Variants in XPO7 observed in about 807,000 individuals in gnomAD.
The protein encoded by XPO7 is exportin 7.
XPO7 carries 21 observed loss-of-function variants against 144.3 expected under a neutral mutation model. The ratio of observed to expected loss-of-function variants is 0.15; its 90% CI spans 0.10 to 0.21. XPO7 has a LOEUF of 0.21. Ranked by LOEUF, XPO7 falls within the 10% of genes least tolerant of loss-of-function variation. The pLI is 1.00. For synonymous variants in XPO7, 580 were observed against 499.6 expected (o/e 1.16, Z -2.15); for missense variants, 808 against 1,325.8 (o/e 0.61, Z 6.06).
intron 1 of XPO7, among the ~76,000 whole-genome samples, chr8:21,933,288 G>A (rs1810715633): frequency 6.6e-6 from 1 of 152,000 alleles, no homozygotes; most frequent in Non-Finnish European, 1.5e-5. Flanking sequence ...TTTTAGTAGA[G>A]ATGGGGTTTC....
intron 1 of XPO7, among the ~76,000 whole-genome samples, chr8:21,965,566 G>T (rs1585447662): frequency 6.6e-6 from 1 of 152,182 alleles, no homozygotes; most frequent in Admixed American, 6.5e-5. Flanking sequence ...CGTTTTAAGG[G>T]CAAGGTTGTT....
At chr8:21,957,917 T>C (rs894708690) in intron 1 of XPO7, among the ~76,000 whole-genome samples, 2 of 152,056 alleles carry the variant, frequency 1.3e-5, no homozygotes, top group African/African-American at 4.8e-5. Context: ...TGCAGTTTTG[T>C]GCTTTTTGTT....
chr8:21,962,796 ATTG>A (rs1182379208), intron 1 of XPO7, among the ~76,000 whole-genome samples: 3 of 152,234 alleles, frequency 2.0e-5, no homozygotes, highest in Non-Finnish European at 2.9e-5. Flanking sequence ...CCTAACAATA[ATTG>A]TTGTTACTGA....
chr8:21,965,531 A>G (rs1811854624), intron 1 of XPO7, among the ~76,000 whole-genome samples: 1 of 152,164 alleles, frequency 6.6e-6, no homozygotes, highest in African/African-American at 2.4e-5. Context: ...CAAAGTCCCA[A>G]GATGTTGTGA....
intron 17 of XPO7, 58 bp downstream of exon 17, chr8:21,990,465 G>C: frequency 6.3e-7 from 1 of 1,585,172 alleles, no homozygotes; most frequent in African/African-American, 1.3e-5. Flanking sequence ...ACACTTTCTC[G>C]ACACATAAAG....
intron 24 of XPO7, among the ~76,000 whole-genome samples, chr8:22,001,536 A>G (rs906106460): frequency 2.6e-5 from 4 of 152,162 alleles, no homozygotes; most frequent in African/African-American, 9.7e-5. Flanking sequence ...AACAGATAAT[A>G]CAGCATACCG....
chr8:21,989,821 CTTTTTTTTTTTTTTTTTTTTTTT>C lies in XPO7; in HGVS notation c.1869-499_1869-477del, dbSNP rs1170364778. On this transcript the variant is annotated intron_variant, in intron 16 of 27. Transcript: ENST00000252512. ...AATAGGAGTTTGGTATAGGTGTTTC[CTTTTTTTTTTTTTTTTTTTTTTT>C]TTTTTTTTTTTTTTTTTTTTTTTGA... Among the ~76,000 whole-genome samples the C allele has an allele frequency of 1.3e-3, 76 of 59,702 alleles. 2 individuals carry two copies. Among genetic ancestry groups the C allele is most frequent in the African/African-American group, 2.3e-3 (47 of 20,688 alleles). 39.2% of individuals were successfully genotyped at this position (59,702 alleles called of 152,430 possible).
At chr8:21,992,060 C>A in intron 19 of XPO7, 86 bp downstream of exon 19, 4 of 951,890 alleles carry the variant, frequency 4.2e-6, no homozygotes, top group South Asian at 1.7e-5. Flanking sequence ...GTAAACTATC[C>A]ACTGCCATAG....
chr8:21,971,787 A>G (rs1194962189), intron 4 of XPO7, 89 bp from the exon 5 acceptor site: 7 of 1,010,402 alleles, frequency 6.9e-6, no homozygotes, highest in Non-Finnish European at 1.0e-5. Context: ...ATGACACAGG[A>G]ACCCGTCATT....
intron 1 of XPO7, among the ~76,000 whole-genome samples, chr8:21,920,893 C>T (rs1177933005): frequency 6.6e-6 from 1 of 152,146 alleles, no homozygotes; most frequent in African/African-American, 2.4e-5. Context: ...TGATCTCATT[C>T]TTAATACGTC....
At chr8:21,990,536 C>G in intron 17 of XPO7, 129 bp downstream of exon 17, 8 of 1,047,126 alleles carry the variant, frequency 7.6e-6, no homozygotes, top group South Asian at 1.4e-5. Flanking sequence ...CTGATTCCCA[C>G]GATACTGCCA....
At chr8:21,938,482 C>G (rs559594309) in intron 1 of XPO7, among the ~76,000 whole-genome samples, 50 of 152,204 alleles carry the variant, frequency 3.3e-4, no homozygotes, top group Non-Finnish European at 5.9e-4. Flanking sequence ...GCTGGTATGC[C>G]ATGTGATGAC....
chr8:21,994,580 A>G, intron 20 of XPO7, 129 bp downstream of exon 20: 1 of 809,108 alleles, frequency 1.2e-6, no homozygotes, highest in South Asian at 1.6e-5. Context: ...GTTAGCCAGA[A>G]GGCCTGCATG....
intron 1 of XPO7, among the ~76,000 whole-genome samples, chr8:21,920,966 GACTT>G (rs1373965870): frequency 6.6e-6 from 1 of 152,144 alleles, no homozygotes; most frequent in Non-Finnish European, 1.5e-5. Context: ...CTAAATAAAA[GACTT>G]AATTTTCAGG....
chr8:21,955,219 A>AG (rs36110951), intron 1 of XPO7, among the ~76,000 whole-genome samples: 55,505 of 151,996 alleles, frequency 0.37, 10,598 homozygotes, highest in East Asian at 0.44. Context: ...TGCAGAATCA[A>AG]TTCCATAAAA....
chr8:21,936,159 G>A (rs1021429199), intron 1 of XPO7, among the ~76,000 whole-genome samples: 3 of 152,064 alleles, frequency 2.0e-5, no homozygotes, highest in Admixed American at 2.0e-4. Context: ...AATTGCCTGG[G>A]ACCACTCTTG....
At chr8:21,971,383 A>G (rs918217410) in intron 4 of XPO7, among the ~76,000 whole-genome samples, 2 of 152,220 alleles carry the variant, frequency 1.3e-5, no homozygotes, top group East Asian at 3.8e-4. Flanking sequence ...TTTCTAATTT[A>G]ATAGGTTAAA....
At chr8:21,958,769 G>A (rs1415628088) in intron 1 of XPO7, among the ~76,000 whole-genome samples, 3 of 152,076 alleles carry the variant, frequency 2.0e-5, no homozygotes, top group Non-Finnish European at 4.4e-5. Flanking sequence ...AGACCAGCCT[G>A]GCCAACATGG....
chr8:21,984,149 G>T (rs1185169493), intron 11 of XPO7, among the ~76,000 whole-genome samples: 3 of 152,022 alleles, frequency 2.0e-5, no homozygotes, highest in African/African-American at 7.3e-5. Flanking sequence ...TTTGCTACAG[G>T]AACGTTGAGT....
Sources: allele counts gnomAD v4.1 joint callset (sites outside exome capture counted in the v4.1 genomes callset), GRCh38; gene constraint gnomAD v4.1.1; transcripts MANE v1.5; gene names NCBI Gene and HGNC (gene_info 2026-07-23, HGNC 2026-07-21).